The following PRPF6 variants were observed in gnomAD, a reference collection of about 807,000 sequenced individuals.
PRPF6 encodes the protein pre-mRNA processing factor 6.
A neutral mutation model predicts 118.3 loss-of-function variants in PRPF6; 42 were observed. That is an observed-to-expected ratio of 0.35 (90% CI 0.28 to 0.46). The LOEUF (loss-of-function observed/expected upper bound fraction) is 0.46, where lower values mean the gene tolerates loss of function less well. Ranked by LOEUF, PRPF6 falls within the 20% of genes least tolerant of loss-of-function variation. The pLI is 1.00. For missense variants in PRPF6, 662 were observed against 1,255.7 expected (o/e 0.53, Z 7.15); for synonymous variants, 481 against 485.1 (o/e 0.99, Z 0.11).
chr20:63,998,885 T>C (rs1467897782), intron 6 of PRPF6, among the ~76,000 whole-genome samples, 160 bp from the exon 7 acceptor site: 7 of 151,976 alleles, frequency 4.6e-5, no homozygotes, highest in African/African-American at 1.7e-4. Flanking sequence ...AGAAGAAATT[T>C]GTTATTATCA....
rs1296785039 is a variant in PRPF6, at chr20:64,026,127, C to T, written c.2028+69C>T. The T allele has an allele frequency of 6.3e-7, 1 of 1,591,304 alleles. No homozygotes were observed. The highest frequency in any genetic ancestry group is 1.7e-5 in the Admixed American group (1 of 58,832). On this transcript the variant is annotated intron_variant, in intron 15 of 20. Coordinates refer to ENST00000266079, the MANE Select transcript of PRPF6 (RefSeq NM_012469.4). The surrounding 1 kb of genome is among the most constrained non-coding windows in gnomAD (Gnocchi z 4.4). ...GTGCACATGCGGGCCCCACGCCTGGCTTGGGTGGTGATGGGAGTGAGATGA... is the reference window on the plus strand; with the variant it reads ...GTGCACATGCGGGCCCCACGCCTGGTTTGGGTGGTGATGGGAGTGAGATGA...
In PRPF6 at chr20:63,993,268, G is replaced by GTATA. The variant is rs147189959; in HGVS notation, c.360-123_360-120dup. 1,024 of 333,354 alleles carry GTATA rather than the reference G, an allele frequency of 3.1e-3. 10 individuals are homozygous for GTATA. The highest frequency in any genetic ancestry group is 0.011 in the African/African-American group (421 of 38,680). The allele number at this position is 333,354 out of a possible 1,614,324, so 20.6% of individuals were successfully genotyped here. Reference sequence around the variant, plus strand: ...TGTGTGTGTGTGTGTGTGTGTATATGTATATATATATATATATATTTGATT... The same window carrying GTATA: ...TGTGTGTGTGTGTGTGTGTGTATATGTATATATATATATATATATATATTTGATT... On this transcript the variant is annotated intron_variant, in intron 3 of 20. Coordinates refer to ENST00000266079, the MANE Select transcript of PRPF6 (RefSeq NM_012469.4).
In PRPF6 at chr20:64,004,921, G is replaced by A. The variant is rs190193264; in HGVS notation, c.1186+3682G>A. Among the ~76,000 whole-genome samples, 23 of 152,336 alleles carry A rather than the reference G, an allele frequency of 1.5e-4. No individual in the cohort carries two copies. The East Asian group carries it at 2.7e-3, about 18-fold the overall frequency. On this transcript the variant is annotated intron_variant, in intron 9 of 20. Coordinates refer to ENST00000266079, the MANE Select transcript of PRPF6 (RefSeq NM_012469.4). Reference sequence around the variant, plus strand: ...TGAAGCGTGGCATCCTTCAGTGGCCGTCGCCAGCGTGTCCCTCTGGGGGCA... The same window carrying A: ...TGAAGCGTGGCATCCTTCAGTGGCCATCGCCAGCGTGTCCCTCTGGGGGCA...
At position 64,027,047 on chromosome 20, in the gene PRPF6, C is replaced by T. The variant is rs767213788; in HGVS notation, c.2094C>T (p.Cys698=). The T allele has an allele frequency of 5.0e-6, 8 of 1,613,878 alleles. No individual in the cohort carries two copies. Among genetic ancestry groups the T allele is most frequent in the South Asian group, 4.4e-5 (4 of 91,090 alleles). Residue 698 remains cysteine, a synonymous_variant, in exon 16 of 21, where the codon TGC becomes TGT. Coordinates refer to ENST00000266079, the MANE Select transcript of PRPF6 (RefSeq NM_012469.4). This position sits in a 1 kb window ranked among gnomAD's most constrained non-coding sequence, Gnocchi z 6.5. ...ACATCAGGGCAGCCCAAGATCTGTG[C>T]GAGGAGGCCCTGCGGCACTATGAGG... is the stretch of plus-strand genomic sequence containing the variant. ...QDNIRAAQDL[C]EEALRHYEDF...
intron 12 of PRPF6, among the ~76,000 whole-genome samples, 180 bp from the exon 13 acceptor site, chr20:64,022,577 A>C (rs1345923420): frequency 6.6e-6 from 1 of 152,036 alleles, no homozygotes; most frequent in Non-Finnish European, 1.5e-5. Flanking sequence ...CAAAGTGCTG[A>C]GATTACAGGC....
In PRPF6 at chr20:64,027,512, G is replaced by T; in HGVS notation, c.2206-91G>T. Reference sequence around the variant, plus strand: ...TGGACATGGCAGCCCTGAGGGACTCGGTCACCCACTGCAGATGAGAAGCTG... The same window carrying T: ...TGGACATGGCAGCCCTGAGGGACTCTGTCACCCACTGCAGATGAGAAGCTG... On this transcript the variant is annotated intron_variant, in intron 16 of 20. Transcript: ENST00000266079. The surrounding 1 kb of genome is among the most constrained non-coding windows in gnomAD (Gnocchi z 6.5). 2 of 1,571,398 alleles carry T rather than the reference G, an allele frequency of 1.3e-6. No individual in the cohort carries two copies. The highest frequency in any genetic ancestry group is 1.8e-6 in the Non-Finnish European group (2 of 1,142,214).
chr20:64,024,426 G>T, intron 13 of PRPF6, 129 bp from the exon 14 acceptor site: 1 of 1,248,406 alleles, frequency 8.0e-7, no homozygotes, highest in Non-Finnish European at 1.2e-6. Context: ...GTAAAATCTG[G>T]TCAATCATTT....
In PRPF6 at chr20:64,010,326, T is replaced by G; in HGVS notation, c.1305+8T>G. ...TGCCCCACCAGCGTGGAGGTGAGTCTGGCGGGCTCAGGGCCACCAGAGCCC... is the reference window on the plus strand; with the variant it reads ...TGCCCCACCAGCGTGGAGGTGAGTCGGGCGGGCTCAGGGCCACCAGAGCCC... On this transcript the variant is annotated splice_region_variant and intron_variant, in intron 10 of 20. Coordinates refer to ENST00000266079, the MANE Select transcript of PRPF6 (RefSeq NM_012469.4). The G allele has an allele frequency of 6.2e-7, 1 of 1,610,804 alleles. No individual in the cohort carries two copies. Among genetic ancestry groups the G allele is most frequent in the Non-Finnish European group, 8.5e-7 (1 of 1,178,708 alleles).
At chr20:64,013,153 CAG>C (rs1237793016) in intron 11 of PRPF6, among the ~76,000 whole-genome samples, 1 of 152,030 alleles carries the variant, frequency 6.6e-6, no homozygotes, top group Non-Finnish European at 1.5e-5. Flanking sequence ...TTAGAAGAGA[CAG>C]AGTTTCACCA....
intron 3 of PRPF6, among the ~76,000 whole-genome samples, chr20:63,985,649 T>C (rs1324651122): frequency 6.6e-6 from 1 of 152,168 alleles, no homozygotes. Context: ...TGTTGAGTAA[T>C]TTGCAAATGA....
chr20:63,994,779 T>G, intron 4 of PRPF6, 137 bp from the exon 5 acceptor site: 1 of 1,150,500 alleles, frequency 8.7e-7, no homozygotes. Context: ...AAAACAAAAG[T>G]AAAAAACAGT....
rs2123007525 is a variant in PRPF6, at chr20:63,995,467, C to T, written c.756C>T (p.Asp252=). 6.2e-7 allele frequency: 1 copy of T among 1,614,130 alleles called. No individual in the cohort carries two copies. The highest frequency in any genetic ancestry group is 1.1e-5 in the South Asian group (1 of 91,080). ...KIGQARNTLM[D]MRLSQVSDSV... is the part of the protein sequence containing the mutation. ...GCCAAGCGAGGAACACTCTGATGGACATGAGGCTGAGCCAGGTGAGTTTGT... is the reference window on the plus strand; with the variant it reads ...GCCAAGCGAGGAACACTCTGATGGATATGAGGCTGAGCCAGGTGAGTTTGT... The change falls in exon 6 of 21, where the codon GAC becomes GAT. Residue 252 remains aspartate, a synonymous_variant. Transcript: ENST00000266079.
chr20:64,006,748 G>A (rs745307174), intron 9 of PRPF6, among the ~76,000 whole-genome samples: 40 of 152,194 alleles, frequency 2.6e-4, no homozygotes, highest in Admixed American at 3.9e-4. Flanking sequence ...TCCTAGACCC[G>A]TGTGTTCTGG....
chr20:64,031,590 T>C (rs991409083), intron 19 of PRPF6, among the ~76,000 whole-genome samples: 1 of 151,414 alleles, frequency 6.6e-6, no homozygotes, highest in Admixed American at 6.6e-5. Context: ...GGAGAATCGC[T>C]TGAACCTGGG....
intron 7 of PRPF6, 110 bp from the exon 8 acceptor site, chr20:63,999,493 C>A: frequency 7.0e-7 from 1 of 1,427,752 alleles, no homozygotes; most frequent in South Asian, 1.2e-5. Context: ...CTCAGGACAT[C>A]AGGACTGATA....
In PRPF6 at chr20:63,995,492, T is replaced by C. The variant is rs769174328; in HGVS notation, c.771+10T>C. On this transcript the variant is annotated intron_variant, in intron 6 of 20. Transcript: ENST00000266079. ...CATGAGGCTGAGCCAGGTGAGTTTGTCACACAGCATTTTCCTGTGGACAGG... is the reference window on the plus strand; with the variant it reads ...CATGAGGCTGAGCCAGGTGAGTTTGCCACACAGCATTTTCCTGTGGACAGG... 1 of 1,614,092 alleles carries C rather than the reference T, an allele frequency of 6.2e-7. No individual in the cohort carries two copies. Among genetic ancestry groups the C allele is most frequent in the South Asian group, 1.1e-5 (1 of 91,076 alleles).
In PRPF6 at chr20:63,999,707, A is replaced by G. The variant is rs752800942; in HGVS notation, c.971A>G (p.Lys324Arg). 2 of 1,614,202 alleles carry G rather than the reference A, an allele frequency of 1.2e-6. No homozygotes were observed. Among genetic ancestry groups the G allele is most frequent in the South Asian group, 1.1e-5 (1 of 91,090 alleles). Residue 324 changes from lysine to arginine, a missense_variant, in exon 8 of 21, where the codon AAG becomes AGG. Coordinates refer to ENST00000266079, the MANE Select transcript of PRPF6 (RefSeq NM_012469.4). ...ASARLEEVTG[K>R]LQVARNLIMK... ...GCCCGCCTGGAAGAAGTCACTGGGA[A>G]GCTACAAGTAGCTCGGAACCTTATC...
intron 9 of PRPF6, among the ~76,000 whole-genome samples, chr20:64,005,806 G>C (rs1044861724): frequency 6.6e-6 from 1 of 151,850 alleles, no homozygotes; most frequent in Non-Finnish European, 1.5e-5. Context: ...ATGATCATGG[G>C]TCACTGAAGC....
rs370552889 is a variant in PRPF6, at chr20:64,001,832, G to A, written c.1186+593G>A. On this transcript the variant is annotated intron_variant, in intron 9 of 20. Coordinates refer to ENST00000266079, the MANE Select transcript of PRPF6 (RefSeq NM_012469.4). The stretch of plus-strand genomic sequence containing the variant: ...TTCCTGCCAGGGTAGAGCTTTTGTG[G>A]GTAGTTTGTTTATTTTTATTACTGT... 7.9e-5 allele frequency among the ~76,000 whole-genome samples: 12 copies of A among 152,090 alleles called. No individual in the cohort carries two copies. The East Asian group carries it at 9.6e-4, about 12-fold the overall frequency.
Sources: gnomAD v4.1 joint callset for allele counts (sites outside exome capture counted in the v4.1 genomes callset) on GRCh38, gnomAD v4.1.1 for gene constraint, Gnocchi (gnomAD v3.1) non-coding constraint, MANE v1.5 for transcripts, NCBI Gene and HGNC (gene_info 2026-07-23, HGNC 2026-07-21) for gene names.